The following VPS53 variants were observed in gnomAD, a reference collection of about 807,000 sequenced individuals.
VPS53 encodes the protein vacuolar protein sorting-associated protein 53 homolog.
A neutral mutation model predicts 107.0 loss-of-function variants in VPS53; 70 were observed. The observed-to-expected ratio is 0.65, with a 90% confidence interval of 0.54 to 0.80. VPS53 has a LOEUF of 0.80. Ranked by LOEUF, VPS53 falls within the 30% of genes least tolerant of loss-of-function variation. VPS53 has a pLI of 0.00. For synonymous variants in VPS53, 409 were observed against 393.3 expected (o/e 1.04, Z -0.47); for missense variants, 917 against 1,049.4 (o/e 0.87, Z 1.74).
chr17:578,836 G>A (rs1036029015), intron 13 of VPS53, among the ~76,000 whole-genome samples: 4 of 117,496 alleles, frequency 3.4e-5, no homozygotes, highest in Non-Finnish European at 5.3e-5. Context: ...AAAACCTCCC[G>A]CAGGACCTAA....
At chr17:626,282 G>A (rs1220434705) in intron 10 of VPS53, among the ~76,000 whole-genome samples, 2 of 152,050 alleles carry the variant, frequency 1.3e-5, no homozygotes, top group Non-Finnish European at 2.9e-5. Flanking sequence ...TGGGCTTTGG[G>A]TTTTTTTAAT....
At position 585,974 on chromosome 17, in the gene VPS53, C is replaced by T. The variant is rs1376020556; in HGVS notation, c.1313+296G>A. 2.6e-5 allele frequency among the ~76,000 whole-genome samples: 4 copies of T among 152,098 alleles called. No homozygotes were observed. The East Asian group carries it at 5.8e-4, about 22-fold the overall frequency. The stretch of plus-strand genomic sequence containing the variant: ...TTCTTCCAATACCCAGTGCCTGACA[C>T]TGTAAAGCTTTGTGGGCTGATATAT... On this transcript the variant is annotated intron_variant, in intron 13 of 21. Transcript: ENST00000437048.
At chr17:576,927 C>T (rs572059888) in intron 13 of VPS53, among the ~76,000 whole-genome samples, 8 of 150,442 alleles carry the variant, frequency 5.3e-5, no homozygotes, top group Non-Finnish European at 8.9e-5. Context: ...TCCCAGAAAA[C>T]CTCCCTCAGA....
intron 4 of VPS53, among the ~76,000 whole-genome samples, chr17:664,418 A>C (rs1326922016): frequency 3.3e-5 from 5 of 152,118 alleles, no homozygotes; most frequent in Non-Finnish European, 7.4e-5. Flanking sequence ...AGCAAATGTG[A>C]AGATCCTGAC....
At chr17:681,875 C>G (rs1325009569) in intron 4 of VPS53, among the ~76,000 whole-genome samples, 1 of 152,138 alleles carries the variant, frequency 6.6e-6, no homozygotes, top group Non-Finnish European at 1.5e-5. Flanking sequence ...GGACACTGAT[C>G]TCACAGATGA....
rs1908470268 is a variant in VPS53, at chr17:518,533, A to G, written c.*595T>C. The G allele has an allele frequency of 6.6e-6, 1 of 151,946 alleles. No homozygotes were observed. The highest frequency in any genetic ancestry group is 2.4e-5 in the African/African-American group (1 of 41,378). The allele number at this position is 151,946 out of a possible 1,614,324, so 9.4% of individuals were successfully genotyped here. On this transcript the variant is annotated 3_prime_UTR_variant, in exon 22 of 22. Transcript: ENST00000437048. Reference sequence around the variant, plus strand: ...CGTTCCCATGGCTTCATCTGATGAGAAAACCTAGGAAACGTCTTCCAAGTG... The same window carrying G: ...CGTTCCCATGGCTTCATCTGATGAGGAAACCTAGGAAACGTCTTCCAAGTG...
intron 12 of VPS53, among the ~76,000 whole-genome samples, chr17:599,458 C>T (rs1178891735): frequency 6.6e-6 from 1 of 151,440 alleles, no homozygotes; most frequent in Non-Finnish European, 1.5e-5. Flanking sequence ...TTACCCCCAA[C>T]CCTGTGCTCT....
chr17:659,920 A>G (rs1201095924), intron 5 of VPS53, among the ~76,000 whole-genome samples: 1 of 152,152 alleles, frequency 6.6e-6, no homozygotes, highest in Non-Finnish European at 1.5e-5. Context: ...AAACTGAACC[A>G]CTGATTTTTC....
intron 1 of VPS53, chr17:714,415 CAA>C: frequency 1.7e-6 from 1 of 583,638 alleles, no homozygotes; most frequent in Non-Finnish European, 3.0e-6. Context: ...CAGCCCTCGC[CAA>C]AGACAATCAA....
At chr17:587,546 G>A (rs73277154) in intron 12 of VPS53, among the ~76,000 whole-genome samples, 1,682 of 152,184 alleles carry the variant, frequency 0.011, 27 homozygotes, top group African/African-American at 0.034. Context: ...CTAGATGAGC[G>A]CTGGTTCCCA....
At chr17:627,729 C>T (rs994728158) in intron 9 of VPS53, among the ~76,000 whole-genome samples, 5 of 151,780 alleles carry the variant, frequency 3.3e-5, no homozygotes, top group African/African-American at 1.2e-4. Flanking sequence ...AAACTGAGAT[C>T]GCACCACTGC....
intron 12 of VPS53, among the ~76,000 whole-genome samples, chr17:591,230 T>G (rs1275569034): frequency 2.0e-5 from 3 of 152,032 alleles, no homozygotes; most frequent in African/African-American, 7.3e-5. Flanking sequence ...TGATATCCCC[T>G]TTGTCATTTT....
intron 4 of VPS53, among the ~76,000 whole-genome samples, chr17:695,292 G>A (rs779275218): frequency 4.6e-5 from 7 of 152,120 alleles, no homozygotes; most frequent in Non-Finnish European, 8.8e-5. Flanking sequence ...CTGATTCCTT[G>A]GTGTATTCAG....
chr17:627,101 G>C lies in VPS53; in HGVS notation c.974+73C>G, dbSNP rs547412753. 3.9e-6 allele frequency: 6 copies of C among 1,549,396 alleles called. No individual in the cohort carries two copies. The Admixed American group carries it at 1.1e-4, about 29-fold the overall frequency. On this transcript the variant is annotated intron_variant, in intron 10 of 21. Coordinates refer to ENST00000437048, the MANE Select transcript of VPS53 (RefSeq NM_001128159.3). ...GGCATCAAATCCACAGGACAACATG[G>C]AACCATTAGAGACTGGGGAACCGAT...
intron 20 of VPS53, among the ~76,000 whole-genome samples, chr17:521,381 G>A (rs796571582): frequency 1.3e-4 from 20 of 152,040 alleles, no homozygotes; most frequent in African/African-American, 3.6e-4. Flanking sequence ...AGAATCCCAC[G>A]CCAACAAGAA....
chr17:567,146 A>G (rs1042394375), intron 13 of VPS53, among the ~76,000 whole-genome samples: 1 of 152,206 alleles, frequency 6.6e-6, no homozygotes, highest in African/African-American at 2.4e-5. Flanking sequence ...ATACTTACTT[A>G]CTTGCTTCCT....
At chr17:568,218 T>A (rs1913721050) in intron 13 of VPS53, among the ~76,000 whole-genome samples, 1 of 152,116 alleles carries the variant, frequency 6.6e-6, no homozygotes, top group Admixed American at 6.5e-5. Context: ...TCAAGGCAGC[T>A]GAAGATCCCC....
At chr17:629,480 G>A (rs1170589464) in intron 8 of VPS53, among the ~76,000 whole-genome samples, 1 of 152,158 alleles carries the variant, frequency 6.6e-6, no homozygotes, top group African/African-American at 2.4e-5. Context: ...AAACTAGGCT[G>A]GGAGCGGTGG....
chr17:702,210 C>CG (rs1973226340), intron 2 of VPS53, among the ~76,000 whole-genome samples: 1 of 151,816 alleles, frequency 6.6e-6, no homozygotes, highest in Non-Finnish European at 1.5e-5. Flanking sequence ...AAAAATTAGC[C>CG]GGGTATGGTA....
Sources: allele counts gnomAD v4.1 joint callset (sites outside exome capture counted in the v4.1 genomes callset), GRCh38; gene constraint gnomAD v4.1.1; transcripts MANE v1.5; gene names NCBI Gene and HGNC (gene_info 2026-07-23, HGNC 2026-07-21).